Variants in GNAI2 observed in about 807,000 individuals in gnomAD.
GNAI2 encodes G protein subunit alpha i2.
In GNAI2, 4 loss-of-function variants were observed where a neutral mutation model predicts 36.8. The ratio of observed to expected loss-of-function variants is 0.11; its 90% CI spans 0.05 to 0.25. The LOEUF is 0.25. GNAI2 is among the 10% of genes least tolerant of loss of function. GNAI2 has a pLI of 1.00. For synonymous variants in GNAI2, 194 were observed against 194.1 expected, an observed-to-expected ratio of 1.00 and a Z score of 0.01; for missense variants, 230 against 481.3, an observed-to-expected ratio of 0.48 and a Z score of 4.89.
chr3:50,249,566 A>G (rs1447095206), intron 1 of GNAI2, among the ~76,000 whole-genome samples: 3 of 152,180 alleles, frequency 2.0e-5, no homozygotes, highest in Non-Finnish European at 4.4e-5. Context: ...GGGCTAAAGC[A>G]ATAGAGGGGA....
upstream of GNAI2, chr3:50,235,376 A>G (rs1349293207): frequency 6.6e-6 from 1 of 151,902 alleles, no homozygotes; most frequent in African/African-American, 2.4e-5. Context: ...AGTGCAATGA[A>G]TGGCGCGATC....
At position 50,241,601 on chromosome 3, in the gene GNAI2, C is replaced by G. The variant is rs1553701165; in HGVS notation, c.118+5148C>G. On this transcript the variant is annotated intron_variant, in intron 1 of 8. Coordinates refer to ENST00000313601, the MANE Select transcript of GNAI2 (RefSeq NM_002070.4). This position sits in a 1 kb window ranked among gnomAD's most constrained non-coding sequence, Gnocchi z 5.0. ...CAGCTGGAGCTCAGCTGGGGGCATC[C>G]CAGGCGGGTTGGGGAGAGGAACCCC... 6.6e-6 allele frequency among the ~76,000 whole-genome samples: 1 copy of G among 152,120 alleles called. No individual in the cohort carries two copies. Among genetic ancestry groups the G allele is most frequent in the Non-Finnish European group, 1.5e-5 (1 of 68,004 alleles).
At position 50,252,183 on chromosome 3, in the gene GNAI2, TC is replaced by T. The variant is rs1553702556; in HGVS notation, c.161+45del. ...CAGAGGCAGTGCTCAAACTCCAGCT[TC>T]CCCTCTTCACCCTCTGGGCCTGCAC... is the stretch of plus-strand genomic sequence containing the variant. On this transcript the variant is annotated intron_variant, in intron 2 of 8. Transcript: ENST00000313601. The surrounding 1 kb of genome is among the most constrained non-coding windows in gnomAD (Gnocchi z 4.1). 3 of 1,590,526 alleles carry T rather than the reference TC, an allele frequency of 1.9e-6. No individual in the cohort carries two copies. The highest frequency in any genetic ancestry group is 2.6e-6 in the Non-Finnish European group (3 of 1,159,974).
Position 50,252,088 on chromosome 3 carries a change from C to T in GNAI2, c.119-12C>T. 1 of 1,613,498 alleles carries T rather than the reference C, an allele frequency of 6.2e-7. No individual in the cohort carries two copies. The highest frequency in any genetic ancestry group is 8.5e-7 in the Non-Finnish European group (1 of 1,179,590). ...GGGCCTGCCCCCTGACCACCTGTGC[C>T]CTCTGTTCCAGGTGCTGGGGAGTCA... On this transcript the variant is annotated splice_polypyrimidine_tract_variant and intron_variant, in intron 1 of 8. Transcript: ENST00000313601. This position sits in a 1 kb window ranked among gnomAD's most constrained non-coding sequence, Gnocchi z 4.1.
Position 50,255,777 on chromosome 3 carries a change from G to A in GNAI2, c.465-415G>A, listed in dbSNP as rs1302973249. ...AACAAGGGCTGTGCCTAGGCCAGGCGCAGTGGCTCACGCCTGTAATCCCAG... is the reference window on the plus strand; with the variant it reads ...AACAAGGGCTGTGCCTAGGCCAGGCACAGTGGCTCACGCCTGTAATCCCAG... On this transcript the variant is annotated intron_variant, in intron 4 of 8. Transcript: ENST00000313601. The surrounding 1 kb of genome is among the most constrained non-coding windows in gnomAD (Gnocchi z 4.0). Among the ~76,000 whole-genome samples the A allele has an allele frequency of 3.3e-5, 5 of 151,882 alleles. No homozygotes were observed. Among genetic ancestry groups the A allele is most frequent in the Non-Finnish European group, 4.4e-5 (3 of 67,946 alleles).
rs587711663 is a variant in GNAI2 at position 50,253,571 on chromosome 3, C to T, written c.464+387C>T. Among the ~76,000 whole-genome samples the T allele has an allele frequency of 1.3e-5, 2 of 152,168 alleles. No individual in the cohort carries two copies. The highest frequency in any genetic ancestry group is 6.5e-5 in the Admixed American group (1 of 15,294). ...CATCCTGGCTAACACGGTGAAACCCCGTCTCTACTAAAAATACAAAAAATT... is the reference window on the plus strand; with the variant it reads ...CATCCTGGCTAACACGGTGAAACCCTGTCTCTACTAAAAATACAAAAAATT... On this transcript the variant is annotated intron_variant, in intron 4 of 8. Coordinates refer to ENST00000313601, the MANE Select transcript of GNAI2 (RefSeq NM_002070.4). This position sits in a 1 kb window ranked among gnomAD's most constrained non-coding sequence, Gnocchi z 4.2.
intron 1 of GNAI2, chr3:50,251,668 T>G (rs1553702478): frequency 7.4e-7 from 1 of 1,342,608 alleles, no homozygotes. Flanking sequence ...GCTGCTACCC[T>G]GTTGGATGGA....
rs1559779251 is a variant in GNAI2, at chr3:50,258,762, C to T, written c.*419C>T. 5.3e-6 allele frequency: 2 copies of T among 375,326 alleles called. No individual in the cohort carries two copies. The highest frequency in any genetic ancestry group is 2.1e-5 in the African/African-American group (1 of 46,966). 23.2% of individuals were successfully genotyped at this position (375,326 alleles called of 1,614,324 possible). A position where few individuals can be genotyped will look rare whatever the true frequency, so the allele number is the denominator to read the frequency against. On this transcript the variant is annotated 3_prime_UTR_variant, in exon 9 of 9. Transcript: ENST00000313601. ...CCAAGTCCAAATGTTTACAGGGAGC[C>T]TCCTGCCCAGTCCCCCAACCCCAGC...
intron 4 of GNAI2, among the ~76,000 whole-genome samples, chr3:50,254,937 G>A (rs1369771266): frequency 6.6e-6 from 1 of 152,224 alleles, no homozygotes; most frequent in African/African-American, 2.4e-5. Context: ...TGTGCAGCGA[G>A]TCAGGGGGTC....
At chr3:50,231,498 A>G (rs1202507274), upstream of GNAI2, among the ~76,000 whole-genome samples, 2 of 152,146 alleles carry the variant, frequency 1.3e-5, no homozygotes, top group African/African-American at 4.8e-5. Context: ...AGGATAGTCG[A>G]TCTCTTGACC....
chr3:50,251,339 C>T, intron 1 of GNAI2: 1 of 991,808 alleles, frequency 1.0e-6, no homozygotes, highest in Non-Finnish European at 1.2e-6. Context: ...GGAGAGAATG[C>T]AGCAAATCTC....
At chr3:50,256,619 C>A in intron 5 of GNAI2, 104 bp from the exon 6 acceptor site, 1 of 1,252,364 alleles carries the variant, frequency 8.0e-7, no homozygotes. Context: ...AGGTAGCTGC[C>A]CTACTCTGGG....
chr3:50,243,779 C>T (rs1379789832), intron 1 of GNAI2, among the ~76,000 whole-genome samples: 1 of 152,184 alleles, frequency 6.6e-6, no homozygotes, highest in Non-Finnish European at 1.5e-5. Context: ...AGTGATTAAG[C>T]GCCTGCCTCC....
chr3:50,249,107 C>T (rs952151598), intron 1 of GNAI2, among the ~76,000 whole-genome samples: 3 of 152,200 alleles, frequency 2.0e-5, no homozygotes, highest in Non-Finnish European at 2.9e-5. Context: ...GATGGGGAAG[C>T]TTTCACCCTA....
chr3:50,240,302 A>C (rs1309487181), intron 1 of GNAI2, among the ~76,000 whole-genome samples: 1 of 152,102 alleles, frequency 6.6e-6, no homozygotes, highest in East Asian at 1.9e-4. Flanking sequence ...GATGAATACC[A>C]TTTGCCAGGG....
chr3:50,251,097 C>T (rs1700547129), intron 1 of GNAI2, among the ~76,000 whole-genome samples: 1 of 152,202 alleles, frequency 6.6e-6, no homozygotes, highest in African/African-American at 2.4e-5. Context: ...AGGCATGAGC[C>T]ACCACTCCCG....
In GNAI2 at chr3:50,252,011, C is replaced by A; in HGVS notation, c.119-89C>A. ...CAGCTGGTGGGAAGGTTAGTTCTGCCTCCTGGGCTACAGGTGTCTGGGCAT... is the reference window on the plus strand; with the variant it reads ...CAGCTGGTGGGAAGGTTAGTTCTGCATCCTGGGCTACAGGTGTCTGGGCAT... On this transcript the variant is annotated intron_variant, in intron 1 of 8. Transcript: ENST00000313601. The surrounding 1 kb of genome is among the most constrained non-coding windows in gnomAD (Gnocchi z 4.1). 1.5e-6 allele frequency: 2 copies of A among 1,321,180 alleles called. No individual in the cohort carries two copies. Among genetic ancestry groups the A allele is most frequent in the Non-Finnish European group, 2.2e-6 (2 of 928,596 alleles). 81.8% of individuals were successfully genotyped at this position (1,321,180 alleles called of 1,614,324 possible).
intron 1 of GNAI2, chr3:50,251,531 G>C: frequency 1.8e-6 from 2 of 1,138,364 alleles, no homozygotes; most frequent in Non-Finnish European, 2.2e-6. Flanking sequence ...GCCTCCATCT[G>C]CTCAGGGCAG....
chr3:50,247,080 G>A (rs781791376), intron 1 of GNAI2: 2 of 758,604 alleles, frequency 2.6e-6, no homozygotes, highest in South Asian at 2.9e-5. Context: ...TGAGAGGTTT[G>A]GGGAAATCTG....
Sources: allele counts gnomAD v4.1 joint callset (sites outside exome capture counted in the v4.1 genomes callset), GRCh38; gene constraint gnomAD v4.1.1; non-coding constraint Gnocchi (gnomAD v3.1); transcripts MANE v1.5; gene names NCBI Gene and HGNC (gene_info 2026-07-23, HGNC 2026-07-21).